Variants in SLC9A9 observed in about 807,000 individuals in gnomAD.
SLC9A9 encodes the protein solute carrier family 9 member A9.
In SLC9A9, 62 loss-of-function variants were observed where a neutral mutation model predicts 77.8. That is an observed-to-expected ratio of 0.80 (90% confidence interval 0.65 to 0.98). The LOEUF (loss-of-function observed/expected upper bound fraction) is 0.98. SLC9A9 is among the 50% of genes least tolerant of loss of function. SLC9A9 has a pLI of 0.00. For missense variants in SLC9A9, 775 were observed against 774.9 expected, an observed-to-expected ratio of 1.00 and a Z score of 0.00; for synonymous variants, 320 against 283.5, an observed-to-expected ratio of 1.13 and a Z score of -1.29.
At position 143,820,962 on chromosome 3, in the gene SLC9A9, G is replaced by A. The variant is rs541747862; in HGVS notation, c.378+11057C>T. Among the ~76,000 whole-genome samples, 16 of 149,120 alleles carry A rather than the reference G, an allele frequency of 1.1e-4. No homozygotes were observed. The South Asian group carries it at 1.9e-3, about 18-fold the overall frequency. ...TTTTCAGACCTTAGCTTTGAGGTGT[G>A]TATGCAGCTTCCCCCATCACATGAC... On this transcript the variant is annotated intron_variant, in intron 2 of 15. Coordinates refer to ENST00000316549, the MANE Select transcript of SLC9A9 (RefSeq NM_173653.4).
rs73008898 is a variant in SLC9A9, at chr3:143,499,875, A to T, written c.1090-4427T>A. Among the ~76,000 whole-genome samples, 437 of 152,312 alleles carry T rather than the reference A, an allele frequency of 2.9e-3. 3 individuals carry two copies. The highest frequency in any genetic ancestry group is 9.7e-3 in the African/African-American group (402 of 41,586). On this transcript the variant is annotated intron_variant, in intron 9 of 15. Transcript: ENST00000316549. ...TCACTTTTAAAATGTTGTTAATTACATTAATTGATTTTCGAATGCTAAAAC... is the reference window on the plus strand; with the variant it reads ...TCACTTTTAAAATGTTGTTAATTACTTTAATTGATTTTCGAATGCTAAAAC...
At chr3:143,768,228 T>A (rs1304058670) in intron 4 of SLC9A9, among the ~76,000 whole-genome samples, 3 of 152,094 alleles carry the variant, frequency 2.0e-5, no homozygotes, top group Non-Finnish European at 1.5e-5. Context: ...CAGAGAAACA[T>A]TTCTACCTAA....
intron 12 of SLC9A9, among the ~76,000 whole-genome samples, chr3:143,417,748 G>T (rs762304596): frequency 6.6e-6 from 1 of 152,076 alleles, no homozygotes; most frequent in Non-Finnish European, 1.5e-5. Context: ...TAAGTAATAA[G>T]TGTCTGTTGT....
intron 9 of SLC9A9, chr3:143,503,918 A>C: frequency 2.8e-6 from 1 of 362,638 alleles, no homozygotes; most frequent in Non-Finnish European, 5.4e-6. Context: ...AGAGATGATG[A>C]CTCTTTGGCT....
chr3:143,284,866 A>G (rs762948361), intron 14 of SLC9A9, among the ~76,000 whole-genome samples: 1 of 152,168 alleles, frequency 6.6e-6, no homozygotes, highest in Non-Finnish European at 1.5e-5. Flanking sequence ...GTTTATGGGT[A>G]ATCTTCCAAG....
At chr3:143,590,086 A>T (rs1005747448) in intron 6 of SLC9A9, among the ~76,000 whole-genome samples, 4 of 152,330 alleles carry the variant, frequency 2.6e-5, no homozygotes, top group East Asian at 1.9e-4. Flanking sequence ...TTAATATGAA[A>T]CTATATCCCA....
intron 14 of SLC9A9, among the ~76,000 whole-genome samples, chr3:143,352,358 A>T (rs1272096695): frequency 6.6e-6 from 1 of 152,248 alleles, no homozygotes; most frequent in Non-Finnish European, 1.5e-5. Context: ...AGCAGCCTGC[A>T]TGAGCTAGAA....
chr3:143,367,317 A>G (rs2032934318), intron 13 of SLC9A9, among the ~76,000 whole-genome samples: 1 of 152,232 alleles, frequency 6.6e-6, no homozygotes, highest in East Asian at 1.9e-4. Context: ...ATAAACTTGG[A>G]TCTAATTAGA....
chr3:143,759,479 C>T (rs1215101370), intron 4 of SLC9A9, among the ~76,000 whole-genome samples: 1 of 152,056 alleles, frequency 6.6e-6, no homozygotes, highest in East Asian at 1.9e-4. Flanking sequence ...CTCTTCAGGT[C>T]TATTGAAAGG....
chr3:143,815,986 GA>G (rs1168923546), intron 2 of SLC9A9, among the ~76,000 whole-genome samples: 2 of 152,154 alleles, frequency 1.3e-5, no homozygotes, highest in African/African-American at 4.8e-5. Flanking sequence ...ACCAAGCTTG[GA>G]AATCTAAACC....
intron 9 of SLC9A9, among the ~76,000 whole-genome samples, chr3:143,528,916 T>C (rs372030450): frequency 1.3e-5 from 2 of 152,180 alleles, no homozygotes; most frequent in Non-Finnish European, 2.9e-5. Context: ...TCATGACTTA[T>C]AAGTTAAGAG....
At chr3:143,269,543 G>A (rs1205918669) in intron 14 of SLC9A9, among the ~76,000 whole-genome samples, 3 of 152,160 alleles carry the variant, frequency 2.0e-5, no homozygotes, top group African/African-American at 4.8e-5. Flanking sequence ...GGTTTATTCT[G>A]TTGTCTAGCA....
chr3:143,315,356 G>A (rs1466028227), intron 14 of SLC9A9, among the ~76,000 whole-genome samples: 1 of 152,200 alleles, frequency 6.6e-6, no homozygotes, highest in African/African-American at 2.4e-5. Flanking sequence ...GCTGATGGGT[G>A]GTGAGGGCTC....
At chr3:143,398,855 G>T (rs530750074) in intron 12 of SLC9A9, among the ~76,000 whole-genome samples, 7 of 152,126 alleles carry the variant, frequency 4.6e-5, no homozygotes, top group African/African-American at 1.7e-4. Flanking sequence ...ACAATTGGAA[G>T]CAGATTTGAT....
At chr3:143,439,786 C>A (rs1169347671) in intron 12 of SLC9A9, among the ~76,000 whole-genome samples, 1 of 133,602 alleles carries the variant, frequency 7.5e-6, no homozygotes, top group Non-Finnish European at 1.8e-5. Context: ...GCTGGAGTAG[C>A]CTCTTAAGGG....
At chr3:143,633,041 T>C (rs2038453404) in intron 6 of SLC9A9, among the ~76,000 whole-genome samples, 1 of 152,242 alleles carries the variant, frequency 6.6e-6, no homozygotes, top group Non-Finnish European at 1.5e-5. Flanking sequence ...CAAGTTTTGC[T>C]GTCACACAAA....
Position 143,266,043 on chromosome 3 carries a change from G to A in SLC9A9, c.*659C>T. On this transcript the variant is annotated 3_prime_UTR_variant, in exon 16 of 16. Coordinates refer to ENST00000316549, the MANE Select transcript of SLC9A9 (RefSeq NM_173653.4). Reference sequence around the variant, plus strand: ...TGAAAGTGGTGCTGCATTTAGGGCAGGGCACACCCAGCCATAGGCAACCCC... The same window carrying A: ...TGAAAGTGGTGCTGCATTTAGGGCAAGGCACACCCAGCCATAGGCAACCCC... 1.4e-6 allele frequency: 1 copy of A among 702,354 alleles called. No homozygotes were observed. The highest frequency in any genetic ancestry group is 2.6e-6 in the Non-Finnish European group (1 of 384,754). 43.5% of individuals were successfully genotyped at this position (702,354 alleles called of 1,614,324 possible).
chr3:143,475,304 T>A (rs1023623471), intron 11 of SLC9A9, among the ~76,000 whole-genome samples: 1 of 151,752 alleles, frequency 6.6e-6, no homozygotes, highest in Non-Finnish European at 1.5e-5. Context: ...TCGGAAATGA[T>A]CTTGTTTATA....
intron 6 of SLC9A9, among the ~76,000 whole-genome samples, chr3:143,594,180 G>T (rs1368399375): frequency 6.6e-6 from 1 of 152,180 alleles, no homozygotes; most frequent in African/African-American, 2.4e-5. Context: ...ACGCTAGCAA[G>T]ATATAAAAAG....
Sources: allele counts gnomAD v4.1 joint callset (sites outside exome capture counted in the v4.1 genomes callset), GRCh38; gene constraint gnomAD v4.1.1; transcripts MANE v1.5; gene names NCBI Gene and HGNC (gene_info 2026-07-23, HGNC 2026-07-21).